Variants in SNAPC3 observed in about 807,000 individuals in gnomAD.
SNAPC3 encodes small nuclear RNA activating complex polypeptide 3, also known as snRNA-activating protein complex subunit 3.
In SNAPC3, 56 loss-of-function variants were observed where a neutral mutation model predicts 47.7. That is an observed-to-expected ratio of 1.18 (90% CI 0.95 to 1.47). The LOEUF is 1.47. Among genes scored for constraint, SNAPC3 ranks in the 40% most tolerant of loss-of-function variants. The probability of loss-of-function intolerance (pLI) is 0.00; values close to 1 mark genes in which losing one functional copy is unlikely to be tolerated. For missense variants in SNAPC3, 665 were observed against 511.3 expected (o/e 1.30, Z -2.90); for synonymous variants, 235 against 189.9 (o/e 1.24, Z -1.95).
intron 4 of SNAPC3, 109 bp from the exon 5 acceptor site, chr9:15,446,986 A>C: frequency 1.1e-6 from 1 of 922,182 alleles, no homozygotes; most frequent in Non-Finnish European, 1.7e-6. Flanking sequence ...TTATGGGGAC[A>C]ATTTAAAATT....
rs34278677 is a variant in SNAPC3 at position 15,447,368 on chromosome 9, C to CTAT, written c.732+124_732+125insTAT. 4 of 836,550 alleles carry CTAT rather than the reference C, an allele frequency of 4.8e-6. No individual in the cohort carries two copies. The African/African-American group carries it at 5.1e-5, about 11-fold the overall frequency. The allele number at this position is 836,550 out of a possible 1,614,324, so 51.8% of individuals were successfully genotyped here. ...TCTCCTGCGGGATTCCATCAAACTA[C>CTAT]ACTATCTCATTCCTTCCCTTTATCA... On this transcript the variant is annotated intron_variant, in intron 5 of 8. Coordinates refer to ENST00000380821, the MANE Select transcript of SNAPC3 (RefSeq NM_001039697.2).
At chr9:15,437,795 T>G (rs2032971739) in intron 3 of SNAPC3, among the ~76,000 whole-genome samples, 1 of 152,184 alleles carries the variant, frequency 6.6e-6, no homozygotes. Flanking sequence ...CTGAATGACA[T>G]TAGAAATCAA....
chr9:15,435,228 A>G (rs926411325), intron 3 of SNAPC3, among the ~76,000 whole-genome samples: 1 of 152,164 alleles, frequency 6.6e-6, no homozygotes, highest in African/African-American at 2.4e-5. Context: ...AAAAAGATCT[A>G]TTAAAATATT....
At chr9:15,463,669 TATCTGTAA>T (rs1250663167), downstream of SNAPC3, 1 of 151,480 alleles carries the variant, frequency 6.6e-6, no homozygotes, top group Non-Finnish European at 1.5e-5. Context: ...TCTGAGAAGT[TATCTGTAA>T]ATCAGCCTAT....
intron 2 of SNAPC3, among the ~76,000 whole-genome samples, chr9:15,427,525 T>G (rs1203783818): frequency 6.6e-6 from 1 of 152,142 alleles, no homozygotes; most frequent in Non-Finnish European, 1.5e-5. Context: ...ATTTTTTATA[T>G]TTTTAGTAGA....
chr9:15,465,595 G>GA, downstream of SNAPC3: 1 of 1,555,942 alleles, frequency 6.4e-7, no homozygotes, highest in Non-Finnish European at 8.8e-7. Context: ...AGAAAAGGGG[G>GA]AAAGGTACAA....
chr9:15,462,270 G>A (rs75686515), downstream of SNAPC3: 1 of 152,142 alleles, frequency 6.6e-6, no homozygotes, highest in Admixed American at 6.5e-5. Flanking sequence ...TTAAGGTTAA[G>A]TTTTTCATCA....
At chr9:15,435,844 C>CTTTTTTTTT (rs57744583) in intron 3 of SNAPC3, among the ~76,000 whole-genome samples, 3 of 123,840 alleles carry the variant, frequency 2.4e-5, no homozygotes, top group Non-Finnish European at 3.2e-5. Flanking sequence ...ACTTTTCTTT[C>CTTTTTTTTT]TTTTTTTTTT....
chr9:15,424,186 T>A (rs1319472181), intron 2 of SNAPC3, among the ~76,000 whole-genome samples, 200 bp downstream of exon 2: 4 of 152,218 alleles, frequency 2.6e-5, no homozygotes, highest in Non-Finnish European at 5.9e-5. Flanking sequence ...TATCCCCCAT[T>A]CAGTAAGTTA....
In SNAPC3 at chr9:15,459,747, C is replaced by T. The variant is rs758846776; in HGVS notation, c.1117C>T (p.Pro373Ser). The change falls in exon 9 of 9, where the codon CCA becomes TCA. Residue 373 changes from proline (P) to serine (S), a missense_variant. Transcript: ENST00000380821. ...RWVTNNDSFA[P>S]EDPCFFCDVC... is the part of the protein sequence containing the mutation. ...GGTGACGAACAATGACAGTTTTGCACCAGAGGACCCATGCTTCTTTTGTGA... is the reference window on the plus strand; with the variant it reads ...GGTGACGAACAATGACAGTTTTGCATCAGAGGACCCATGCTTCTTTTGTGA... The T allele has an allele frequency of 1.2e-6, 2 of 1,613,250 alleles. No individual in the cohort carries two copies. Among genetic ancestry groups the T allele is most frequent in the East Asian group, 2.2e-5 (1 of 44,864 alleles).
intron 1 of SNAPC3, 53 bp downstream of exon 1, chr9:15,423,246 C>A: frequency 2.0e-6 from 3 of 1,482,188 alleles, no homozygotes; most frequent in Non-Finnish European, 2.7e-6. Flanking sequence ...AGGGTGCAGC[C>A]TTGCTCGTGC....
intron 3 of SNAPC3, among the ~76,000 whole-genome samples, chr9:15,439,505 C>A (rs2033131042): frequency 6.6e-6 from 1 of 151,964 alleles, no homozygotes; most frequent in African/African-American, 2.4e-5. Flanking sequence ...CAAACACATG[C>A]CAAAACATCT....
intron 2 of SNAPC3, among the ~76,000 whole-genome samples, chr9:15,427,408 G>T (rs1463297856): frequency 6.6e-6 from 1 of 152,178 alleles, no homozygotes; most frequent in African/African-American, 2.4e-5. Context: ...GAGTGCAGTG[G>T]CTCAATCTCT....
At chr9:15,447,745 G>A (rs2034058164) in intron 5 of SNAPC3, among the ~76,000 whole-genome samples, 1 of 152,136 alleles carries the variant, frequency 6.6e-6, no homozygotes, top group African/African-American at 2.4e-5. Context: ...CCAGCAAAAG[G>A]CTGGAGTCGA....
chr9:15,429,872 G>A (rs751578726), intron 2 of SNAPC3, among the ~76,000 whole-genome samples: 2 of 151,910 alleles, frequency 1.3e-5, no homozygotes, highest in East Asian at 1.9e-4. Context: ...AAATGATTCC[G>A]AAAAGCTAAA....
intron 8 of SNAPC3, 30 bp from the exon 9 acceptor site, chr9:15,459,689 A>G (rs1464235068): frequency 3.7e-6 from 6 of 1,601,068 alleles, no homozygotes; most frequent in Non-Finnish European, 5.1e-6. Flanking sequence ...TTTGATTGTA[A>G]TGATGTACTT....
At chr9:15,457,893 A>T in intron 7 of SNAPC3, 67 bp from the exon 8 acceptor site, 1 of 868,624 alleles carries the variant, frequency 1.2e-6, no homozygotes, top group Non-Finnish European at 1.8e-6. Flanking sequence ...GATATATTTA[A>T]TAGCTCATAA....
chr9:15,462,035 T>C (rs1199648994), downstream of SNAPC3: 2 of 152,202 alleles, frequency 1.3e-5, no homozygotes, highest in Non-Finnish European at 2.9e-5. Flanking sequence ...TTTTCAATAC[T>C]GCGTTCCTTA....
chr9:15,455,547 A>T (rs1291328515), intron 7 of SNAPC3, among the ~76,000 whole-genome samples: 1 of 152,146 alleles, frequency 6.6e-6, no homozygotes, highest in African/African-American at 2.4e-5. Flanking sequence ...ATCCTGGGTG[A>T]CAGAGCAAGA....
Sources: allele counts gnomAD v4.1 joint callset (sites outside exome capture counted in the v4.1 genomes callset), GRCh38; gene constraint gnomAD v4.1.1; transcripts MANE v1.5; gene names NCBI Gene and HGNC (gene_info 2026-07-23, HGNC 2026-07-21).